CTNNA3: variants seen among roughly 807,000 people sequenced by gnomAD.
The protein encoded by CTNNA3 is catenin alpha 3.
A neutral mutation model predicts 95.7 loss-of-function variants in CTNNA3; 76 were observed. That is an observed-to-expected ratio of 0.79 (90% CI 0.66 to 0.96). CTNNA3 has a LOEUF of 0.96. CTNNA3 is among the 40% of genes least tolerant of loss of function. The pLI is 0.00. For missense variants in CTNNA3, 1,191 were observed against 1,089.8 expected (o/e 1.09, Z -1.31); for synonymous variants, 431 against 374.4 (o/e 1.15, Z -1.74).
chr10:67,721,917 C>T (rs946729800), intron 1 of CTNNA3, among the ~76,000 whole-genome samples: 4 of 152,114 alleles, frequency 2.6e-5, no homozygotes, highest in African/African-American at 7.2e-5. Context: ...AGTCAGGACC[C>T]TCTGCTGCAG....
intron 11 of CTNNA3, among the ~76,000 whole-genome samples, chr10:66,434,042 G>A (rs1308944748): frequency 6.6e-6 from 1 of 152,116 alleles, no homozygotes; most frequent in African/African-American, 2.4e-5. Flanking sequence ...TTTTGTTACT[G>A]CAGCCTTGTA....
In CTNNA3 at chr10:65,919,781, G is replaced by A. The variant is rs1205104258; in HGVS notation, c.*549C>T. On this transcript the variant is annotated 3_prime_UTR_variant, in exon 18 of 18. Transcript: ENST00000433211. ...GATATTAGCCTAATAAGTTGACAAT[G>A]AGTACAGCTATCTAGAGATTAAAAG... 1.3e-5 allele frequency: 2 copies of A among 152,716 alleles called. No individual in the cohort carries two copies. The highest frequency in any genetic ancestry group is 3.8e-4 in the East Asian group (2 of 5,208). The allele number at this position is 152,716 out of a possible 1,614,324, so 9.5% of individuals were successfully genotyped here.
At chr10:67,187,371 A>G (rs1005966987) in intron 6 of CTNNA3, among the ~76,000 whole-genome samples, 16 of 152,110 alleles carry the variant, frequency 1.1e-4, no homozygotes, top group Non-Finnish European at 2.2e-4. Context: ...ATTTTATGTA[A>G]GTACCAAATC....
intron 7 of CTNNA3, among the ~76,000 whole-genome samples, chr10:66,878,655 A>G (rs1844723152): frequency 6.6e-6 from 1 of 152,070 alleles, no homozygotes; most frequent in Non-Finnish European, 1.5e-5. Flanking sequence ...TCGTCACATC[A>G]CAGTCTCCTC....
chr10:66,214,457 A>G (rs532134039), intron 13 of CTNNA3, among the ~76,000 whole-genome samples: 1 of 152,230 alleles, frequency 6.6e-6, no homozygotes, highest in East Asian at 1.9e-4. Flanking sequence ...GTCATATTAA[A>G]TTTATTTTTA....
intron 13 of CTNNA3, among the ~76,000 whole-genome samples, chr10:66,259,450 A>C (rs1185283676): frequency 6.6e-6 from 1 of 152,166 alleles, no homozygotes; most frequent in Non-Finnish European, 1.5e-5. Context: ...TCAGGAAGAA[A>C]ATAAGGAGAG....
At position 66,810,313 on chromosome 10, in the gene CTNNA3, A is replaced by T. The variant is rs529999074; in HGVS notation, c.1048-34789T>A. On this transcript the variant is annotated intron_variant, in intron 7 of 17. Coordinates refer to ENST00000433211, the MANE Select transcript of CTNNA3 (RefSeq NM_013266.4). The stretch of plus-strand genomic sequence containing the variant: ...GCTTAGCAGTAGTTCTGGCAAGCAC[A>T]TTAGTTCCCCCACATCCCTAAAGCC... 2.0e-5 allele frequency among the ~76,000 whole-genome samples: 3 copies of T among 152,242 alleles called. No individual in the cohort carries two copies. The South Asian group carries it at 6.2e-4, about 32-fold the overall frequency.
rs144265474 is a variant in CTNNA3, at chr10:66,819,548, T to C, written c.1048-44024A>G. On this transcript the variant is annotated intron_variant, in intron 7 of 17. Transcript: ENST00000433211. ...TGCTTCAAAGAACCCAATCAAGAAATTGAAAAAAACACACAAAATGGAAGA... is the reference window on the plus strand; with the variant it reads ...TGCTTCAAAGAACCCAATCAAGAAACTGAAAAAAACACACAAAATGGAAGA... 4.1e-3 allele frequency among the ~76,000 whole-genome samples: 629 copies of C among 151,932 alleles called. 6 individuals are homozygous for C. Among genetic ancestry groups the C allele is most frequent in the African/African-American group, 0.014 (600 of 41,458 alleles).
intron 9 of CTNNA3, among the ~76,000 whole-genome samples, chr10:66,656,413 T>C (rs1278551850): frequency 1.3e-5 from 2 of 152,092 alleles, no homozygotes; most frequent in Non-Finnish European, 2.9e-5. Context: ...AAAGAATGAT[T>C]TTTGTAGCCA....
intron 9 of CTNNA3, among the ~76,000 whole-genome samples, chr10:66,707,312 C>T (rs1848149962): frequency 1.3e-5 from 2 of 151,968 alleles, no homozygotes; most frequent in African/African-American, 4.8e-5. Flanking sequence ...GAAAGAACAG[C>T]TTATAAAATT....
intron 5 of CTNNA3, among the ~76,000 whole-genome samples, chr10:67,271,305 C>A (rs1036217729): frequency 7.2e-5 from 11 of 152,110 alleles, no homozygotes; most frequent in Non-Finnish European, 1.3e-4. Flanking sequence ...GTGGTTCCCC[C>A]ATGCTGTTCT....
At chr10:66,809,166 T>A (rs1329881495) in intron 7 of CTNNA3, among the ~76,000 whole-genome samples, 1 of 152,168 alleles carries the variant, frequency 6.6e-6, no homozygotes, top group Admixed American at 6.6e-5. Context: ...AACTTTAAAA[T>A]TGTTGTATTA....
intron 15 of CTNNA3, among the ~76,000 whole-genome samples, chr10:66,031,595 A>C (rs1589270344): frequency 6.6e-6 from 1 of 152,120 alleles, no homozygotes; most frequent in Admixed American, 6.6e-5. Context: ...AGGGTTGAAA[A>C]ACTATCTACT....
intron 1 of CTNNA3, among the ~76,000 whole-genome samples, chr10:67,701,479 T>C (rs1841039039): frequency 6.6e-6 from 1 of 152,176 alleles, no homozygotes; most frequent in South Asian, 2.1e-4. Flanking sequence ...TTCAACACTC[T>C]TAAAGAAAAG....
chr10:67,099,043 A>T (rs1858178028), intron 7 of CTNNA3: 1 of 151,834 alleles, frequency 6.6e-6, no homozygotes, highest in African/African-American at 2.4e-5. Flanking sequence ...GAACTTTATC[A>T]CTCAAGTAGA....
Position 66,874,282 on chromosome 10 carries a change from C to T in CTNNA3, c.1048-98758G>A, listed in dbSNP as rs138093764. Among the ~76,000 whole-genome samples the T allele has an allele frequency of 5.9e-3, 901 of 152,172 alleles. 7 individuals are homozygous for T. Among genetic ancestry groups the T allele is most frequent in the African/African-American group, 0.02 (845 of 41,510 alleles). On this transcript the variant is annotated intron_variant, in intron 7 of 17. Coordinates refer to ENST00000433211, the MANE Select transcript of CTNNA3 (RefSeq NM_013266.4). ...TGGAAACTCTGGCCAACTACCGCCT[C>T]CATAATTGGAGGACCATTAGGTGTA...
intron 7 of CTNNA3, among the ~76,000 whole-genome samples, chr10:67,166,715 T>C (rs1861783707): frequency 6.6e-6 from 1 of 152,260 alleles, no homozygotes; most frequent in Admixed American, 6.5e-5. Flanking sequence ...AGATCCTTTA[T>C]GTTCTTCTCA....
At chr10:66,420,798 CAAAT>C (rs547995552) in intron 11 of CTNNA3, among the ~76,000 whole-genome samples, 115 of 115,284 alleles carry the variant, frequency 1.0e-3, no homozygotes, top group Non-Finnish European at 8.7e-4. Flanking sequence ...GACTCTGTCT[CAAAT>C]AAATAAATAA....
intron 13 of CTNNA3, among the ~76,000 whole-genome samples, chr10:66,135,060 C>T (rs2083285216): frequency 6.6e-6 from 1 of 151,896 alleles, no homozygotes; most frequent in South Asian, 2.1e-4. Context: ...AGAAGAGATA[C>T]TGAACTGGAA....
Sources: allele counts gnomAD v4.1 joint callset (sites outside exome capture counted in the v4.1 genomes callset), GRCh38; gene constraint gnomAD v4.1.1; transcripts MANE v1.5; gene names NCBI Gene and HGNC (gene_info 2026-07-23, HGNC 2026-07-21).